Variants in AP1G1 observed in about 807,000 individuals in gnomAD.
The protein encoded by AP1G1 is adaptor related protein complex 1 subunit gamma 1.
AP1G1 carries 7 observed loss-of-function variants against 108.3 expected under a neutral mutation model. The observed-to-expected ratio is 0.06, with a 90% confidence interval of 0.04 to 0.12. The LOEUF (loss-of-function observed/expected upper bound fraction) is 0.12. Ranked by LOEUF, AP1G1 falls within the 10% of genes least tolerant of loss-of-function variation. AP1G1 has a pLI of 1.00. For missense variants in AP1G1, 756 were observed against 1,010.7 expected, an observed-to-expected ratio of 0.75 and a Z score of 3.42; for synonymous variants, 379 against 353.5, an observed-to-expected ratio of 1.07 and a Z score of -0.81.
intron 1 of AP1G1, 42 bp downstream of exon 1, chr16:71,808,721 C>T (rs1317335750): frequency 7.8e-7 from 1 of 1,285,978 alleles, no homozygotes; most frequent in Non-Finnish European, 1.0e-6. Context: ...AGCGGCGGGG[C>T]AAAAGCAGCA....
At chr16:71,803,031 G>C (rs982319775) in intron 1 of AP1G1, among the ~76,000 whole-genome samples, 1 of 151,828 alleles carries the variant, frequency 6.6e-6, no homozygotes, top group Non-Finnish European at 1.5e-5. Flanking sequence ...CCTGGCCAAC[G>C]TGACAAAACC....
intron 1 of AP1G1, among the ~76,000 whole-genome samples, chr16:71,800,372 CAA>C (rs1204514110): frequency 4.6e-4 from 29 of 62,650 alleles, no homozygotes; most frequent in Admixed American, 7.6e-4. Context: ...CTCCCCATCT[CAA>C]AAAAAAAAAA....
intron 19 of AP1G1, chr16:71,742,469 A>G (rs966955069): frequency 1.3e-5 from 2 of 152,172 alleles, no homozygotes; most frequent in African/African-American, 4.8e-5. Context: ...GGAAAAGGTA[A>G]ATAATATTTA....
At chr16:71,779,637 G>A (rs911059132) in intron 2 of AP1G1, among the ~76,000 whole-genome samples, 3 of 152,074 alleles carry the variant, frequency 2.0e-5, no homozygotes, top group Admixed American at 6.6e-5. Context: ...ATCACACCCC[G>A]CCAAATGGCT....
chr16:71,802,538 T>G (rs1001920553), intron 1 of AP1G1, among the ~76,000 whole-genome samples: 2 of 152,110 alleles, frequency 1.3e-5, no homozygotes, highest in Non-Finnish European at 2.9e-5. Context: ...AAGACCAGCC[T>G]GTCCAACATG....
intron 16 of AP1G1, 58 bp downstream of exon 16, chr16:71,748,193 T>C: frequency 6.4e-7 from 1 of 1,565,392 alleles, no homozygotes; most frequent in Non-Finnish European, 8.6e-7. Context: ...TTTTTGGGAT[T>C]TTTTTTGTTT....
At chr16:71,781,464 T>C (rs1304472882) in intron 2 of AP1G1, among the ~76,000 whole-genome samples, 2 of 152,238 alleles carry the variant, frequency 1.3e-5, no homozygotes, top group Admixed American at 6.5e-5. Flanking sequence ...TGAAGTCTTC[T>C]GTGTACTGGG....
rs2032522793 is a variant in AP1G1, at chr16:71,794,835, C to CTTTTCTTTTT, written c.-3-5354_-3-5353insAAAAAGAAAA. On this transcript the variant is annotated intron_variant, in intron 1 of 22. Transcript: ENST00000299980. The stretch of plus-strand genomic sequence containing the variant: ...TACCATTCTCAGGCCATGAGAAGTG[C>CTTTTCTTTTT]TTTTTTTTTTTTTTTTTTTTTTTTT... 2.1e-3 allele frequency among the ~76,000 whole-genome samples: 83 copies of CTTTTCTTTTT among 39,656 alleles called. 1 individual carries two copies. Among genetic ancestry groups the CTTTTCTTTTT allele is most frequent in the African/African-American group, 8.3e-3 (79 of 9,546 alleles). 26.0% of individuals were successfully genotyped at this position (39,656 alleles called of 152,430 possible). A position where few individuals can be genotyped will look rare whatever the true frequency, so the allele number is the denominator to read the frequency against.
chr16:71,790,833 T>C (rs2032371465), intron 1 of AP1G1, among the ~76,000 whole-genome samples: 1 of 152,180 alleles, frequency 6.6e-6, no homozygotes, highest in African/African-American at 2.4e-5. Context: ...ACAGAGAGAC[T>C]TCACACACAA....
At chr16:71,740,554 C>A (rs927332981) in intron 19 of AP1G1, among the ~76,000 whole-genome samples, 1 of 152,152 alleles carries the variant, frequency 6.6e-6, no homozygotes, top group South Asian at 2.1e-4. Flanking sequence ...TACTAAAATA[C>A]TACACATGTA....
In AP1G1 at chr16:71,754,006, G is replaced by A. The variant is rs76285471; in HGVS notation, c.1230-119C>T. The A allele has an allele frequency of 2.8e-4, 246 of 892,030 alleles. No individual in the cohort carries two copies. In the African/African-American group the frequency reaches 3.2e-3, roughly 12 times the overall value. 55.3% of individuals were successfully genotyped at this position (892,030 alleles called of 1,614,324 possible). On this transcript the variant is annotated intron_variant, in intron 12 of 22. Coordinates refer to ENST00000299980, the MANE Select transcript of AP1G1 (RefSeq NM_001128.6). The stretch of plus-strand genomic sequence containing the variant: ...TGTCATCCCAACATCTTGGGAGGCC[G>A]AGGTGGGAGATCACCTGAGCTCAGG...
intron 10 of AP1G1, among the ~76,000 whole-genome samples, chr16:71,761,221 G>A (rs1476622567): frequency 6.6e-6 from 1 of 152,164 alleles, no homozygotes; most frequent in Non-Finnish European, 1.5e-5. Context: ...AGGGGCAGAG[G>A]TGAGTAGTTA....
intron 1 of AP1G1, among the ~76,000 whole-genome samples, chr16:71,804,191 C>T (rs1457470940): frequency 3.3e-5 from 5 of 150,138 alleles, no homozygotes; most frequent in African/African-American, 7.3e-5. Flanking sequence ...GGACTACAGG[C>T]GCGCACCATC....
At chr16:71,774,245 G>A (rs1025863296) in intron 3 of AP1G1, 3 of 466,644 alleles carry the variant, frequency 6.4e-6, no homozygotes, top group African/African-American at 6.2e-5. Context: ...AGGCGTGGTG[G>A]CAGGTGCCTA....
chr16:71,759,283 C>A (rs1945634209), intron 10 of AP1G1, among the ~76,000 whole-genome samples: 1 of 151,906 alleles, frequency 6.6e-6, no homozygotes, highest in Non-Finnish European at 1.5e-5. Flanking sequence ...CATGGTGAAA[C>A]CCTATCTCTA....
chr16:71,733,260 A>G, intron 22 of AP1G1, 101 bp from the exon 23 acceptor site: 1 of 888,674 alleles, frequency 1.1e-6, no homozygotes, highest in East Asian at 2.6e-5. Flanking sequence ...TCAAAACTTA[A>G]AGCAAAGCTG....
chr16:71,736,731 G>A (rs971238538), intron 21 of AP1G1, among the ~76,000 whole-genome samples: 5 of 148,706 alleles, frequency 3.4e-5, no homozygotes, highest in East Asian at 3.9e-4. Context: ...CACTACAGGC[G>A]CCCGCCACCA....
At position 71,750,204 on chromosome 16, in the gene AP1G1, A is replaced by G. The variant is rs762606156; in HGVS notation, c.1407+6T>C. On this transcript the variant is annotated splice_donor_region_variant and intron_variant, in intron 14 of 22. Transcript: ENST00000299980. ...ACCCCCTAAAATAGTTGAATGAAGT[A>G]CTTACTTGAGAATAATCACCAAGAA... 1 of 1,613,150 alleles carries G rather than the reference A, an allele frequency of 6.2e-7. No homozygotes were observed. Among genetic ancestry groups the G allele is most frequent in the Non-Finnish European group, 8.5e-7 (1 of 1,179,810 alleles).
At chr16:71,765,886 G>A (rs1422042978) in intron 6 of AP1G1, among the ~76,000 whole-genome samples, 1 of 152,134 alleles carries the variant, frequency 6.6e-6, no homozygotes, top group Non-Finnish European at 1.5e-5. Flanking sequence ...TAAAACAGAT[G>A]CCTATGGGGC....
Sources: allele counts gnomAD v4.1 joint callset (sites outside exome capture counted in the v4.1 genomes callset), GRCh38; gene constraint gnomAD v4.1.1; transcripts MANE v1.5; gene names NCBI Gene and HGNC (gene_info 2026-07-23, HGNC 2026-07-21).